The following GJA9 variants were observed in gnomAD, a reference collection of about 807,000 sequenced individuals.
The protein encoded by GJA9 is gap junction alpha-9 protein.
Under a neutral mutation model 0.4 loss-of-function variants are expected in GJA9, and 1 was observed. The ratio of observed to expected loss-of-function variants is 2.50; its 90% CI spans 0.89 to 11.88. The LOEUF (loss-of-function observed/expected upper bound fraction) is 11.88, where lower values mean the gene tolerates loss of function less well. GJA9 is among the 30% of genes most tolerant of loss of function. The probability of loss-of-function intolerance (pLI) is 0.12; values close to 1 mark genes in which losing one functional copy is unlikely to be tolerated. For synonymous variants in GJA9, 190 were observed against 219.1 expected, an observed-to-expected ratio of 0.87 and a Z score of 1.17; for missense variants, 550 against 602.8, an observed-to-expected ratio of 0.91 and a Z score of 0.92.
In GJA9 at chr1:38,874,825, G is replaced by T. The variant is rs769327895; in HGVS notation, c.1274C>A (p.Thr425Lys). The part of the protein sequence containing the change: ...CDWKPRWLRA[T>K]WGSSTEHENR... Reference sequence around the variant, plus strand: ...TTCATGTTCTGTAGAGGAACCCCATGTAGCTCTAAGCCACCGCGGTTTCCA... The same window carrying T: ...TTCATGTTCTGTAGAGGAACCCCATTTAGCTCTAAGCCACCGCGGTTTCCA... The change falls in exon 2 of 2, where the codon ACA becomes AAA. Residue 425 changes from threonine to lysine, a missense_variant. By Grantham distance (78) the Thr-to-Lys change is moderately conservative (BLOSUM62 -1). Coordinates refer to ENST00000357771, the MANE Select transcript of GJA9 (RefSeq NM_030772.5). The T allele has an allele frequency of 6.2e-7, 1 of 1,614,178 alleles. No individual in the cohort carries two copies. Among genetic ancestry groups the T allele is most frequent in the Non-Finnish European group, 8.5e-7 (1 of 1,180,046 alleles).
chr1:38,881,172 A>G (rs1164063865), intron 1 of GJA9, among the ~76,000 whole-genome samples: 1 of 152,194 alleles, frequency 6.6e-6, no homozygotes, highest in Non-Finnish European at 1.5e-5. Flanking sequence ...TATTGTAATT[A>G]CATGTATTTT....
At chr1:38,880,674 C>A (rs1306080649) in intron 1 of GJA9, among the ~76,000 whole-genome samples, 1 of 151,492 alleles carries the variant, frequency 6.6e-6, no homozygotes, top group Non-Finnish European at 1.5e-5. Flanking sequence ...CCCAGCTACT[C>A]AGGAGACTGA....
chr1:38,876,874 T>A (rs1642596589), intron 1 of GJA9, among the ~76,000 whole-genome samples: 1 of 151,624 alleles, frequency 6.6e-6, no homozygotes, highest in Non-Finnish European at 1.5e-5. Context: ...GCGCTTGTAG[T>A]CCCAGCTACT....
intron 1 of GJA9, among the ~76,000 whole-genome samples, chr1:38,880,038 G>GC (rs1321540409): frequency 6.6e-6 from 1 of 151,322 alleles, no homozygotes. Context: ...ATTTGCAAAA[G>GC]CATCAACCTT....
rs188614946 is a variant in GJA9, at chr1:38,881,559, G to C, written c.-223C>G. ...CAGATTCAGTTCAGTTGAATGTAGTGAGTGAGTCATCCATCAACTAAAATC... is the reference window on the plus strand; with the variant it reads ...CAGATTCAGTTCAGTTGAATGTAGTCAGTGAGTCATCCATCAACTAAAATC... On this transcript the variant is annotated 5_prime_UTR_variant, in exon 1 of 2. It introduces an in-frame stop codon into an upstream open reading frame of the 5' UTR. Transcript: ENST00000357771. 1.3e-5 allele frequency: 9 copies of C among 683,846 alleles called. No homozygotes were observed. In the Admixed American group the frequency reaches 1.5e-4, roughly 11 times the overall value. The allele number at this position is 683,846 out of a possible 1,614,324, so 42.4% of individuals were successfully genotyped here. A position where few individuals can be genotyped will look rare whatever the true frequency, so the allele number is the denominator to read the frequency against.
At chr1:38,878,429 C>A (rs981337169) in intron 1 of GJA9, among the ~76,000 whole-genome samples, 2 of 151,534 alleles carry the variant, frequency 1.3e-5, no homozygotes, top group African/African-American at 2.4e-5. Context: ...ACCTGTAATC[C>A]CAGCACTTTG....
In GJA9 at chr1:38,875,781, C is replaced by T; in HGVS notation, c.318G>A (p.Glu106=). 6.2e-7 allele frequency: 1 copy of T among 1,614,264 alleles called. No individual in the cohort carries two copies. Among genetic ancestry groups the T allele is most frequent in the African/African-American group, 1.3e-5 (1 of 75,066 alleles). ...ALYRLRVLEE[E]RQRMKAQLRV... is the part of the protein sequence containing the mutation. ...TTAACTGAGCTTTCATCCTTTGCCT[C>T]TCTTCCTCAAGAACTCTCAGTCGGT... Residue 106 remains glutamate (E), a synonymous_variant, in exon 2 of 2, where the codon GAG becomes GAA. Coordinates refer to ENST00000357771, the MANE Select transcript of GJA9 (RefSeq NM_030772.5).
Position 38,874,737 on chromosome 1 carries a change from G to A in GJA9, c.1362C>T (p.Thr454=), listed in dbSNP as rs772530055. The A allele has an allele frequency of 6.2e-7, 1 of 1,614,202 alleles. No individual in the cohort carries two copies. Among genetic ancestry groups the A allele is most frequent in the Non-Finnish European group, 8.5e-7 (1 of 1,180,038 alleles). The change falls in exon 2 of 2, where the codon ACC becomes ACT. Residue 454 remains threonine, a synonymous_variant. Transcript: ENST00000357771. ...KGQFRKGTVR[T]LPPSQGDSQS... ...GAGAATCTCCTTGTGAAGGAGGAAG[G>A]GTTCTGACTGTGCCCTTTCTGAACT...
chr1:38,877,509 T>C (rs557392778), intron 1 of GJA9, among the ~76,000 whole-genome samples: 6 of 152,176 alleles, frequency 3.9e-5, no homozygotes, highest in Non-Finnish European at 7.4e-5. Flanking sequence ...CTTTCTTTCT[T>C]TCTTTTGGGA....
intron 1 of GJA9, among the ~76,000 whole-genome samples, chr1:38,878,235 C>A (rs1052448845): frequency 3.3e-5 from 5 of 151,744 alleles, no homozygotes; most frequent in African/African-American, 1.2e-4. Context: ...AGTGCCACCA[C>A]GCTTGGCTAA....
Position 38,874,569 on chromosome 1 carries a change from G to C in GJA9, c.1530C>G (p.Pro510=), listed in dbSNP as rs1317023807. The stretch of plus-strand genomic sequence containing the variant: ...CCGCTGTTTAGATCTGAAGATCTGT[G>C]GGAACCCGCCTACCAATGAGATTGT... The part of the protein sequence containing the change: ...LTNNLIGRRV[P]TDLQI Residue 510 remains proline (P), a synonymous_variant, in exon 2 of 2, where the codon CCC becomes CCG. Coordinates refer to ENST00000357771, the MANE Select transcript of GJA9 (RefSeq NM_030772.5). The C allele has an allele frequency of 6.2e-7, 1 of 1,613,476 alleles. No homozygotes were observed. Among genetic ancestry groups the C allele is most frequent in the African/African-American group, 1.3e-5 (1 of 74,920 alleles).
chr1:38,877,931 T>C (rs533817697), intron 1 of GJA9, among the ~76,000 whole-genome samples: 1 of 152,310 alleles, frequency 6.6e-6, no homozygotes, highest in South Asian at 2.1e-4. Flanking sequence ...TTAGATTAGT[T>C]TTTTTAATCC....
chr1:38,880,652 C>T (rs918964375), intron 1 of GJA9, among the ~76,000 whole-genome samples: 5 of 151,058 alleles, frequency 3.3e-5, no homozygotes, highest in African/African-American at 9.7e-5. Context: ...CATGGTGGCA[C>T]ATGCCTGTAA....
intron 1 of GJA9, among the ~76,000 whole-genome samples, chr1:38,878,909 T>G (rs1384121787): frequency 6.6e-6 from 1 of 151,832 alleles, no homozygotes; most frequent in South Asian, 2.1e-4. Flanking sequence ...AATTTTGTAT[T>G]TTTAGTAGAG....
At chr1:38,878,563 G>C (rs1642633508) in intron 1 of GJA9, among the ~76,000 whole-genome samples, 1 of 150,548 alleles carries the variant, frequency 6.6e-6, no homozygotes, top group Non-Finnish European at 1.5e-5. Flanking sequence ...TGTAACCCCA[G>C]CTACTCAGGA....
intron 1 of GJA9, among the ~76,000 whole-genome samples, chr1:38,877,758 A>G (rs541152647): frequency 6.6e-6 from 1 of 152,142 alleles, no homozygotes; most frequent in South Asian, 2.1e-4. Context: ...CAGCCTCCCA[A>G]AGTGCCAGGA....
chr1:38,879,346 A>C (rs1461621062), intron 1 of GJA9, among the ~76,000 whole-genome samples: 1 of 152,202 alleles, frequency 6.6e-6, no homozygotes, highest in Non-Finnish European at 1.5e-5. Context: ...TATAAAGGGA[A>C]CTGTTACACA....
Position 38,874,791 on chromosome 1 carries a change from C to A in GJA9, c.1308G>T (p.Gly436=). ...CCTTGAGGTTACCTTTAGGAGGTGA[C>A]CCCCGGTTTTCATGTTCTGTAGAGG... The part of the protein sequence containing the change: ...WGSSTEHENR[G]SPPKGNLKGQ... Residue 436 remains glycine, a synonymous_variant, in exon 2 of 2, where the codon GGG becomes GGT. Transcript: ENST00000357771. 6.2e-7 allele frequency: 1 copy of A among 1,614,134 alleles called. No individual in the cohort carries two copies. The highest frequency in any genetic ancestry group is 8.5e-7 in the Non-Finnish European group (1 of 1,180,032).
At chr1:38,881,243 A>G (rs575965135) in intron 1 of GJA9, among the ~76,000 whole-genome samples, 189 bp downstream of exon 1, 3 of 152,294 alleles carry the variant, frequency 2.0e-5, no homozygotes, top group East Asian at 1.9e-4. Flanking sequence ...TATTTTTTTC[A>G]TAAAGGACAA....
Sources: gnomAD v4.1 joint callset for allele counts (sites outside exome capture counted in the v4.1 genomes callset) on GRCh38, gnomAD v4.1.1 for gene constraint, MANE v1.5 for transcripts, NCBI Gene and HGNC (gene_info 2026-07-23, HGNC 2026-07-21) for gene names.